The following FHOD3 variants were observed in gnomAD, a reference collection of about 807,000 sequenced individuals.
FHOD3 encodes FH1/FH2 domain-containing protein 3.
FHOD3 carries 90 observed loss-of-function variants against 173.0 expected under a neutral mutation model. The ratio of observed to expected loss-of-function variants is 0.52; its 90% CI spans 0.44 to 0.62. FHOD3 has a LOEUF of 0.62. Among genes scored for constraint, FHOD3 ranks in the 20% least tolerant of loss-of-function variants. The probability of loss-of-function intolerance (pLI) is 0.00; values close to 1 mark genes in which losing one functional copy is unlikely to be tolerated. For missense variants in FHOD3, 1,945 were observed against 2,034.7 expected (o/e 0.96, Z 0.85); for synonymous variants, 828 against 823.0 (o/e 1.01, Z -0.10).
intron 6 of FHOD3, among the ~76,000 whole-genome samples, chr18:36,593,346 A>C (rs529411440): frequency 6.6e-6 from 1 of 152,284 alleles, no homozygotes; most frequent in East Asian, 1.9e-4. Context: ...AGGGGAGCTG[A>C]GCACCTGGGC....
intron 6 of FHOD3, among the ~76,000 whole-genome samples, chr18:36,577,261 A>G (rs558492789): frequency 3.3e-5 from 5 of 152,246 alleles, no homozygotes; most frequent in Admixed American, 6.5e-5. Context: ...AAAAGTAATC[A>G]ATGTTTATTA....
At chr18:36,442,925 G>A (rs2051237735) in intron 3 of FHOD3, among the ~76,000 whole-genome samples, 1 of 152,098 alleles carries the variant, frequency 6.6e-6, no homozygotes, top group Non-Finnish European at 1.5e-5. Context: ...TCATGACCTT[G>A]ACTCATATGA....
rs565962005 is a variant in FHOD3 at position 36,625,467 on chromosome 18, G to T, written c.958-44G>T. 2.2e-6 allele frequency: 3 copies of T among 1,363,726 alleles called. No individual in the cohort carries two copies. The South Asian group carries it at 5.9e-5, about 27-fold the overall frequency. The allele number at this position is 1,363,726 out of a possible 1,614,324, so 84.5% of individuals were successfully genotyped here. ...CAGTCACACCTGAGGTCTGTGAAAG[G>T]ATGCCAAGCCTGACCTTGCACTGGG... On this transcript the variant is annotated intron_variant, in intron 9 of 28. Transcript: ENST00000590592.
intron 3 of FHOD3, among the ~76,000 whole-genome samples, chr18:36,416,470 T>C (rs778782453): frequency 6.6e-6 from 1 of 152,242 alleles, no homozygotes. Flanking sequence ...GGCCTGTGCC[T>C]CAGACACAGT....
Position 36,652,506 on chromosome 18 carries a change from AC to A in FHOD3, c.1287-62del, listed in dbSNP as rs2036128474. ...TTTTTGCCTGTCTCTCTTTTTCCTAACCTTTGCTCCTTCTCTCCCAAATCTT... is the reference window on the plus strand; with the variant it reads ...TTTTTGCCTGTCTCTCTTTTTCCTAACTTTGCTCCTTCTCTCCCAAATCTT... On this transcript the variant is annotated intron_variant, in intron 11 of 28. Coordinates refer to ENST00000590592, the MANE Select transcript of FHOD3 (RefSeq NM_001281740.3). 7.5e-6 allele frequency: 11 copies of A among 1,464,458 alleles called. 1 individual carries two copies. The highest frequency in any genetic ancestry group is 9.0e-6 in the Non-Finnish European group (10 of 1,111,878). 90.7% of individuals were successfully genotyped at this position (1,464,458 alleles called of 1,614,324 possible). A position where few individuals can be genotyped will look rare whatever the true frequency, so the allele number is the denominator to read the frequency against.
chr18:36,569,927 G>A (rs188430480), intron 5 of FHOD3, among the ~76,000 whole-genome samples: 2 of 152,066 alleles, frequency 1.3e-5, no homozygotes, highest in African/African-American at 4.8e-5. Flanking sequence ...ATGCATGAGG[G>A]AAATTTCTAG....
intron 6 of FHOD3, among the ~76,000 whole-genome samples, chr18:36,593,934 G>C (rs1028985492): frequency 6.6e-6 from 1 of 152,228 alleles, no homozygotes; most frequent in Non-Finnish European, 1.5e-5. Context: ...TCCATTTGCA[G>C]GAGGTGTATG....
At chr18:36,363,708 G>C (rs1223443344) in intron 2 of FHOD3, among the ~76,000 whole-genome samples, 1 of 152,150 alleles carries the variant, frequency 6.6e-6, no homozygotes, top group Non-Finnish European at 1.5e-5. Flanking sequence ...TCACTGCTCT[G>C]TATTTTATTG....
At chr18:36,555,345 T>C (rs1029011619) in intron 5 of FHOD3, among the ~76,000 whole-genome samples, 2 of 152,082 alleles carry the variant, frequency 1.3e-5, no homozygotes. Context: ...CACCAGAGTT[T>C]TTTTATTTGT....
chr18:36,663,086 T>C (rs959944792), intron 14 of FHOD3, among the ~76,000 whole-genome samples: 1 of 152,210 alleles, frequency 6.6e-6, no homozygotes, highest in African/African-American at 2.4e-5. Flanking sequence ...AGTAAATCTT[T>C]TCTATTTTCA....
intron 5 of FHOD3, among the ~76,000 whole-genome samples, chr18:36,537,980 C>T (rs947718204): frequency 3.9e-5 from 6 of 152,114 alleles, no homozygotes; most frequent in African/African-American, 1.4e-4. Context: ...TAACTAAACT[C>T]ATGCAGAATG....
chr18:36,674,011 C>T (rs2037695345), intron 14 of FHOD3, among the ~76,000 whole-genome samples: 1 of 152,150 alleles, frequency 6.6e-6, no homozygotes, highest in Admixed American at 6.5e-5. Context: ...ACCTCTCCAC[C>T]TCACATATGT....
chr18:36,605,939 AC>A (rs2032021097), intron 8 of FHOD3, among the ~76,000 whole-genome samples: 1 of 152,208 alleles, frequency 6.6e-6, no homozygotes, highest in Admixed American at 6.5e-5. Flanking sequence ...AAACAATGAC[AC>A]TAAGTCCTAT....
At chr18:36,371,400 A>G (rs2047179990) in intron 2 of FHOD3, among the ~76,000 whole-genome samples, 2 of 152,212 alleles carry the variant, frequency 1.3e-5, no homozygotes, top group African/African-American at 4.8e-5. Flanking sequence ...AGGAAGAGCA[A>G]AGGCACATCT....
intron 11 of FHOD3, 147 bp from the exon 12 acceptor site, chr18:36,652,423 C>A: frequency 9.5e-7 from 1 of 1,049,512 alleles, no homozygotes; most frequent in Non-Finnish European, 1.3e-6. Flanking sequence ...GGCTTTTATG[C>A]TTCAGTTCAA....
At chr18:36,732,034 A>G (rs2041389495) in intron 20 of FHOD3, among the ~76,000 whole-genome samples, 2 of 152,240 alleles carry the variant, frequency 1.3e-5, no homozygotes, top group South Asian at 4.1e-4. Flanking sequence ...AATGACTGGT[A>G]TCCTTATAAG....
chr18:36,649,998 G>C (rs1049868794), intron 11 of FHOD3, among the ~76,000 whole-genome samples: 10 of 152,052 alleles, frequency 6.6e-5, no homozygotes, highest in African/African-American at 1.9e-4. Flanking sequence ...TCCTCTGCAT[G>C]GTGCTTTCTT....
intron 25 of FHOD3, among the ~76,000 whole-genome samples, chr18:36,756,816 A>G (rs150130612): frequency 2.6e-5 from 4 of 152,212 alleles, no homozygotes; most frequent in Non-Finnish European, 5.9e-5. Flanking sequence ...CTACAGCTCT[A>G]CCCTGCACCC....
chr18:36,415,924 C>T (rs987618775), intron 3 of FHOD3, among the ~76,000 whole-genome samples: 1 of 152,234 alleles, frequency 6.6e-6, no homozygotes, highest in Non-Finnish European at 1.5e-5. Context: ...AACCAGATGA[C>T]TGTCTTTCTC....
Sources: allele counts gnomAD v4.1 joint callset (sites outside exome capture counted in the v4.1 genomes callset), GRCh38; gene constraint gnomAD v4.1.1; transcripts MANE v1.5; gene names NCBI Gene and HGNC (gene_info 2026-07-23, HGNC 2026-07-21).